ASAP3: variants seen among roughly 807,000 people sequenced by gnomAD.
The protein encoded by ASAP3 is arf-GAP with SH3 domain, ANK repeat and PH domain-containing protein 3.
ASAP3 carries 85 observed loss-of-function variants against 118.2 expected under a neutral mutation model. That is an observed-to-expected ratio of 0.72 (90% CI 0.60 to 0.86). The LOEUF (loss-of-function observed/expected upper bound fraction) is 0.86. ASAP3 is among the 40% of genes least tolerant of loss of function. ASAP3 has a pLI of 0.00. For synonymous variants in ASAP3, 432 were observed against 477.4 expected (o/e 0.90, Z 1.24); for missense variants, 1,026 against 1,175.0 (o/e 0.87, Z 1.85).
At chr1:23,444,110 C>G (rs1640968332) in intron 5 of ASAP3, among the ~76,000 whole-genome samples, 1 of 152,202 alleles carries the variant, frequency 6.6e-6, no homozygotes, top group Non-Finnish European at 1.5e-5. Flanking sequence ...CTCAAGTGAT[C>G]TGTCCACCTC....
At chr1:23,434,229 G>A in intron 19 of ASAP3, 25 bp downstream of exon 19, 1 of 1,610,234 alleles carries the variant, frequency 6.2e-7, no homozygotes, top group Non-Finnish European at 8.5e-7. Context: ...ATAGGAGTCT[G>A]ACGGAGGAGG....
rs1641259145 is a variant in ASAP3, at chr1:23,452,715, C to A, written c.405G>T (p.Gln135His). ...SFPLDSLMKG[Q>H]LRDGRQDSKK... ...GACTCACCTGTCGACCGTCCCTCAG[C>A]TGCCCCTTCATCAGACTGTCCAGGG... The change falls in exon 4 of 25, where the codon CAG (glutamine) becomes CAT (histidine). Residue 135 changes from glutamine (Q) to histidine (H), a missense_variant. Gln to His is a conservative substitution (Grantham distance 24). Coordinates refer to ENST00000336689, the MANE Select transcript of ASAP3 (RefSeq NM_017707.4). 1 of 1,613,842 alleles carries A rather than the reference C, an allele frequency of 6.2e-7. No individual in the cohort carries two copies. The highest frequency in any genetic ancestry group is 1.1e-5 in the South Asian group (1 of 91,082).
In ASAP3 at chr1:23,462,917, A is replaced by G. The variant is rs545135092; in HGVS notation, c.130-6723T>C. Among the ~76,000 whole-genome samples the G allele has an allele frequency of 1.4e-3, 211 of 152,326 alleles. 1 individual carries two copies. Among genetic ancestry groups the G allele is most frequent in the Admixed American group, 2.2e-3 (34 of 15,304 alleles). ...GAAAACAGAGCCATGTCTGCTTTGA[A>G]GGAATGGGGAAGGCGTCCCTTAAGC... On this transcript the variant is annotated intron_variant, in intron 1 of 24. Coordinates refer to ENST00000336689, the MANE Select transcript of ASAP3 (RefSeq NM_017707.4).
chr1:23,429,919 AGT>A lies in ASAP3; in HGVS notation c.2647_2648del (p.Thr883Ter). 6 of 1,613,904 alleles carry A rather than the reference AGT, an allele frequency of 3.7e-6. No homozygotes were observed. Among genetic ancestry groups the A allele is most frequent in the Non-Finnish European group, 5.1e-6 (6 of 1,179,890 alleles). On this transcript the variant is annotated frameshift_variant, in exon 25 of 25. Transcript: ENST00000336689. LOFTEE classifies it high-confidence loss of function. ...TCCCAGTCCTTGAGCCATCTCCTTC[AGT>A]GATGCCAACCTGCAGAAAGAAGGAT... is the stretch of plus-strand genomic sequence containing the variant. ...LPRRNVPVGI[T>X]EGDGSRTGSL...
At chr1:23,466,450 C>T (rs893107082) in intron 1 of ASAP3, among the ~76,000 whole-genome samples, 1 of 152,178 alleles carries the variant, frequency 6.6e-6, no homozygotes, top group Admixed American at 6.5e-5. Context: ...GGGCAGCCTA[C>T]CCTGGCTGGC....
Position 23,435,973 on chromosome 1 carries a change from G to A in ASAP3, c.1627C>T (p.Arg543Trp), listed in dbSNP as rs766259434. Residue 543 changes from arginine (R) to tryptophan (W), a missense_variant, in exon 17 of 25, where the codon CGG (arginine) becomes TGG (tryptophan). By Grantham distance (101) the Arg-to-Trp change is moderately radical. Transcript: ENST00000336689. ...AGTCGCTGAGGCTCAGGTGTGCACC[G>A]GCGTGCAAACCTATGCTCCACATAC... ...AKYVEHRFAR[R>W]CTPEPQRLWT... 2.2e-5 allele frequency: 36 copies of A among 1,614,104 alleles called. 2 individuals are homozygous for A. In the South Asian group the frequency reaches 3.4e-4, roughly 15 times the overall value.
chr1:23,468,938 C>T (rs1200275987), intron 1 of ASAP3, among the ~76,000 whole-genome samples: 4 of 125,848 alleles, frequency 3.2e-5, no homozygotes, highest in Non-Finnish European at 6.8e-5. Flanking sequence ...AAATATTTAA[C>T]AAAATGATAA....
At position 23,442,597 on chromosome 1, in the gene ASAP3, C is replaced by T; in HGVS notation, c.489G>A (p.Lys163=). Residue 163 remains lysine, a synonymous_variant, in exon 6 of 25, where the codon AAG becomes AAA. Coordinates refer to ENST00000336689, the MANE Select transcript of ASAP3 (RefSeq NM_017707.4). ...CTGTCACCCTGGCCCGATCGCGCTC[C>T]TTCTCCAGCTTGGCCCTAGACCCCA... ...DYEAKMAKLE[K]ERDRARVTGG... is the part of the protein sequence containing the mutation. 6.2e-7 allele frequency: 1 copy of T among 1,614,100 alleles called. No individual in the cohort carries two copies. Among genetic ancestry groups the T allele is most frequent in the Admixed American group, 1.7e-5 (1 of 60,016 alleles).
chr1:23,483,997 C>G lies in ASAP3; in HGVS notation c.129+8G>C, dbSNP rs1198618873. 2 of 1,290,114 alleles carry G rather than the reference C, an allele frequency of 1.6e-6. No individual in the cohort carries two copies. The highest frequency in any genetic ancestry group is 2.0e-6 in the Non-Finnish European group (2 of 1,020,456). 79.9% of individuals were successfully genotyped at this position (1,290,114 alleles called of 1,614,324 possible). On this transcript the variant is annotated splice_region_variant and intron_variant, in intron 1 of 24. Coordinates refer to ENST00000336689, the MANE Select transcript of ASAP3 (RefSeq NM_017707.4). ...GACCCCCGACCCCTCCCGCCTCGGC[C>G]CCCTCACCTCCTCCCGCGCCAGCGC...
chr1:23,438,725 G>A lies in ASAP3; in HGVS notation c.1102+22C>T. 4 of 1,611,324 alleles carry A rather than the reference G, an allele frequency of 2.5e-6. No homozygotes were observed. The highest frequency in any genetic ancestry group is 3.4e-6 in the Non-Finnish European group (4 of 1,177,526). On this transcript the variant is annotated intron_variant, in intron 12 of 24. Transcript: ENST00000336689. The surrounding 1 kb of genome is among the most constrained non-coding windows in gnomAD (Gnocchi z 4.9). ...AAGCCCTGAGCAGCTGTGGGTGGGGGAGAGGCACAGGGACCACTCACGGGT... is the reference window on the plus strand; with the variant it reads ...AAGCCCTGAGCAGCTGTGGGTGGGGAAGAGGCACAGGGACCACTCACGGGT...
At chr1:23,442,672 C>A (rs1640915836) in intron 5 of ASAP3, 60 bp from the exon 6 acceptor site, 1 of 1,573,136 alleles carries the variant, frequency 6.4e-7, no homozygotes, top group Non-Finnish European at 8.6e-7. Flanking sequence ...TCCTCTTCTG[C>A]CAAGGATGCA....
In ASAP3 at chr1:23,467,950, TC is replaced by T. The variant is rs1292037423; in HGVS notation, c.130-11757del. On this transcript the variant is annotated intron_variant, in intron 1 of 24. Coordinates refer to ENST00000336689, the MANE Select transcript of ASAP3 (RefSeq NM_017707.4). ...CTGGGTGACAGAGTGAGACTCCGTC[TC>T]AAAAAAAAAAAAAAAAAGAAAAAGA... 8.3e-5 allele frequency among the ~76,000 whole-genome samples: 8 copies of T among 96,656 alleles called. No individual in the cohort carries two copies. In the East Asian group the frequency reaches 2.0e-3, roughly 24 times the overall value. The allele number at this position is 96,656 out of a possible 152,430, so 63.4% of individuals were successfully genotyped here.
intron 1 of ASAP3, among the ~76,000 whole-genome samples, chr1:23,459,490 C>T (rs1347824738): frequency 6.6e-6 from 1 of 152,182 alleles, no homozygotes; most frequent in Admixed American, 6.5e-5. Flanking sequence ...ATCAGATTCT[C>T]TCTCCCACCT....
At chr1:23,461,278 G>T (rs1052647875) in intron 1 of ASAP3, among the ~76,000 whole-genome samples, 3 of 152,154 alleles carry the variant, frequency 2.0e-5, no homozygotes, top group African/African-American at 4.8e-5. Flanking sequence ...GTTGACAGAG[G>T]GGGAGGCTGT....
In ASAP3 at chr1:23,456,035, G is replaced by A. The variant is rs1385337371; in HGVS notation, c.203-9C>T. 1.5e-5 allele frequency: 25 copies of A among 1,614,124 alleles called. No individual in the cohort carries two copies. Among genetic ancestry groups the A allele is most frequent in the Non-Finnish European group, 2.0e-5 (24 of 1,180,006 alleles). The stretch of plus-strand genomic sequence containing the variant: ...TTCATTCTCCACATGGCCTGTGGAG[G>A]TACAGACGGGAGCTTGGAGTTAGCT... On this transcript the variant is annotated splice_polypyrimidine_tract_variant and intron_variant, in intron 2 of 24. Transcript: ENST00000336689.
intron 1 of ASAP3, among the ~76,000 whole-genome samples, chr1:23,464,878 C>T (rs1641716652): frequency 6.6e-6 from 1 of 151,994 alleles, no homozygotes; most frequent in Admixed American, 6.6e-5. Context: ...CCAGGTGATT[C>T]TAATGCATGC....
In ASAP3 at chr1:23,429,587, T is replaced by C. The variant is rs1368389203; in HGVS notation, c.*269A>G. ...TGAGAGTTCTGCAGCTGAAGCCAGCTCAGGAGCACTCAGATCCAGCCACAG... is the reference window on the plus strand; with the variant it reads ...TGAGAGTTCTGCAGCTGAAGCCAGCCCAGGAGCACTCAGATCCAGCCACAG... On this transcript the variant is annotated 3_prime_UTR_variant, in exon 25 of 25. Coordinates refer to ENST00000336689, the MANE Select transcript of ASAP3 (RefSeq NM_017707.4). 5.7e-6 allele frequency: 2 copies of C among 348,298 alleles called. No homozygotes were observed. The highest frequency in any genetic ancestry group is 1.1e-5 in the Non-Finnish European group (2 of 187,930). 21.6% of individuals were successfully genotyped at this position (348,298 alleles called of 1,614,324 possible).
Position 23,442,535 on chromosome 1 carries a change from C to G in ASAP3, c.551G>C (p.Arg184Thr), listed in dbSNP as rs768029130. The G allele has an allele frequency of 6.2e-7, 1 of 1,614,038 alleles. No individual in the cohort carries two copies. Among genetic ancestry groups the G allele is most frequent in the Admixed American group, 1.7e-5 (1 of 60,010 alleles). Residue 184 changes from arginine to threonine, a missense_variant, in exon 6 of 25, where the codon AGA (arginine) becomes ACA (threonine). Transcript: ENST00000336689. Reference protein sequence around the residue: ...IPGEVAQDMQRERRIFQLHMC... With the variant: ...IPGEVAQDMQTERRIFQLHMC... Reference sequence around the variant, plus strand: ...GTGCAGCTGGAAGATGCGCCGCTCTCTCTGCATGTCCTGGGCCACCTCCCC... The same window carrying G: ...GTGCAGCTGGAAGATGCGCCGCTCTGTCTGCATGTCCTGGGCCACCTCCCC...
intron 1 of ASAP3, among the ~76,000 whole-genome samples, chr1:23,476,704 G>C (rs1431235687): frequency 6.6e-6 from 1 of 152,168 alleles, no homozygotes; most frequent in African/African-American, 2.4e-5. Flanking sequence ...CCCAAACTCA[G>C]CAGGTGCCAC....
Sources: gnomAD v4.1 joint callset for allele counts (sites outside exome capture counted in the v4.1 genomes callset) on GRCh38, gnomAD v4.1.1 for gene constraint, Gnocchi (gnomAD v3.1) non-coding constraint, MANE v1.5 for transcripts, NCBI Gene and HGNC (gene_info 2026-07-23, HGNC 2026-07-21) for gene names.